The following DNAH10 variants were observed in gnomAD, a reference collection of about 807,000 sequenced individuals.
The protein encoded by DNAH10 is dynein axonemal heavy chain 10, also known as axonemal beta dynein heavy chain 10.
DNAH10 carries 348 observed loss-of-function variants against 506.6 expected under a neutral mutation model. The ratio of observed to expected loss-of-function variants is 0.69; its 90% confidence interval spans 0.63 to 0.75. The LOEUF (loss-of-function observed/expected upper bound fraction) is 0.75. DNAH10 is among the 30% of genes least tolerant of loss of function. The pLI, the probability that DNAH10 is intolerant of heterozygous loss-of-function variation, is 0.00. For synonymous variants in DNAH10, 2,059 were observed against 2,198.6 expected, an observed-to-expected ratio of 0.94 and a Z score of 1.78; for missense variants, 5,179 against 5,787.1, an observed-to-expected ratio of 0.89 and a Z score of 3.41.
At chr12:123,783,825 C>T (rs1957751849) in intron 7 of DNAH10, 122 bp from the exon 8 acceptor site, 1 of 858,384 alleles carries the variant, frequency 1.2e-6, no homozygotes, top group Non-Finnish European at 1.8e-6. Flanking sequence ...CAAGAGCCCA[C>T]CCCTGAAGAC....
In DNAH10 at chr12:123,813,867, G is replaced by A. The variant is rs752589913; in HGVS notation, c.3735G>A (p.Arg1245=). Reference sequence around the variant, plus strand: ...CTCTAGTCATGGAACTCAGATATAGGGACGTCCAGGAGCGATACCGTACCA... The same window carrying A: ...CTCTAGTCATGGAACTCAGATATAGAGACGTCCAGGAGCGATACCGTACCA... ...SKSLVMELRY[R]DVQERYRTMA... The change falls in exon 21 of 79, where the codon AGG becomes AGA. Residue 1245 remains arginine, a synonymous_variant. Coordinates refer to ENST00000673944, the MANE Select transcript of DNAH10 (RefSeq NM_001372106.1). 151 of 1,611,780 alleles carry A rather than the reference G, an allele frequency of 9.4e-5. No homozygotes were observed. Among genetic ancestry groups the A allele is most frequent in the Non-Finnish European group, 2.1e-5 (25 of 1,179,476 alleles).
intron 43 of DNAH10, 131 bp downstream of exon 43, chr12:123,868,250 G>T: frequency 1.2e-6 from 1 of 832,708 alleles, no homozygotes; most frequent in Non-Finnish European, 1.8e-6. Flanking sequence ...AGAGAAACAT[G>T]CAATGGTCAG....
chr12:123,787,704 C>T lies in DNAH10; in HGVS notation c.1422-100C>T, dbSNP rs1957911707. ...AGGCCGTGAAACCAGGGGGGGCGCC[C>T]GGGTCAGAGCTTCACGGGACACTGG... is the stretch of plus-strand genomic sequence containing the variant. On this transcript the variant is annotated intron_variant, in intron 9 of 78. Coordinates refer to ENST00000673944, the MANE Select transcript of DNAH10 (RefSeq NM_001372106.1). This position sits in a 1 kb window ranked among gnomAD's most constrained non-coding sequence, Gnocchi z 4.6. 20 of 1,428,008 alleles carry T rather than the reference C, an allele frequency of 1.4e-5. No homozygotes were observed. The South Asian group carries it at 1.5e-4, about 11-fold the overall frequency. The allele number at this position is 1,428,008 out of a possible 1,614,324, so 88.5% of individuals were successfully genotyped here.
intron 12 of DNAH10, among the ~76,000 whole-genome samples, chr12:123,795,812 C>G (rs1262769335): frequency 6.6e-6 from 1 of 152,068 alleles, no homozygotes; most frequent in African/African-American, 2.4e-5. Context: ...AAACACAGTT[C>G]TGGTGACTGT....
chr12:123,862,439 A>C (rs1951649826), intron 39 of DNAH10, among the ~76,000 whole-genome samples: 1 of 151,302 alleles, frequency 6.6e-6, no homozygotes, highest in African/African-American at 2.4e-5. Flanking sequence ...TGCCCAGGCT[A>C]AGTTCAGTCA....
chr12:123,779,846 G>T (rs777640428), intron 5 of DNAH10, among the ~76,000 whole-genome samples: 3 of 152,074 alleles, frequency 2.0e-5, no homozygotes, highest in Non-Finnish European at 4.4e-5. Context: ...GTCATAAAAA[G>T]ATGTATCAAA....
rs1347537899 is a variant in DNAH10, at chr12:123,919,626, C to A, written c.11506+677C>A. Among the ~76,000 whole-genome samples the A allele has an allele frequency of 6.6e-6, 1 of 152,202 alleles. No individual in the cohort carries two copies. The highest frequency in any genetic ancestry group is 1.5e-5 in the Non-Finnish European group (1 of 68,040). The stretch of plus-strand genomic sequence containing the variant: ...CATTAGCAGTCACCCCCTGGCCCCC[C>A]ACTCCTAGTCCCTGGCAGTCACCGC... On this transcript the variant is annotated intron_variant, in intron 65 of 78. Transcript: ENST00000673944. The surrounding 1 kb of genome is among the most constrained non-coding windows in gnomAD (Gnocchi z 4.9).
At chr12:123,906,272 C>T (rs1402093412) in intron 57 of DNAH10, among the ~76,000 whole-genome samples, 2 of 139,396 alleles carry the variant, frequency 1.4e-5, no homozygotes, top group South Asian at 2.4e-4. Flanking sequence ...GACAGAGTCT[C>T]ATTCTGTCAC....
chr12:123,763,586 T>G (rs1434849692), intron 1 of DNAH10, among the ~76,000 whole-genome samples: 2 of 142,606 alleles, frequency 1.4e-5, no homozygotes, highest in East Asian at 4.0e-4. Context: ...TTTTTTGAGA[T>G]AGGGTCTCAC....
intron 46 of DNAH10, among the ~76,000 whole-genome samples, chr12:123,874,590 T>C (rs1442010979): frequency 1.4e-5 from 2 of 146,408 alleles, no homozygotes; most frequent in African/African-American, 5.1e-5. Context: ...CATCCATCCA[T>C]CCATCCATCC....
chr12:123,920,106 A>G (rs1046651774), intron 65 of DNAH10, among the ~76,000 whole-genome samples: 6 of 152,198 alleles, frequency 3.9e-5, no homozygotes, highest in African/African-American at 1.4e-4. Flanking sequence ...ACTTTTTATT[A>G]TGGAAAACAT....
In DNAH10 at chr12:123,853,434, A is replaced by T; in HGVS notation, c.6438+82A>T. On this transcript the variant is annotated intron_variant, in intron 36 of 78. Coordinates refer to ENST00000673944, the MANE Select transcript of DNAH10 (RefSeq NM_001372106.1). The surrounding 1 kb of genome is among the most constrained non-coding windows in gnomAD (Gnocchi z 4.7). ...GTGCCATTGGGGAGGTGATGGGCAC[A>T]GTATGGTATCACCTGAAAGGTTTAA... is the stretch of plus-strand genomic sequence containing the variant. The T allele has an allele frequency of 6.7e-7, 1 of 1,484,972 alleles. No homozygotes were observed. Among genetic ancestry groups the T allele is most frequent in the Non-Finnish European group, 9.0e-7 (1 of 1,110,476 alleles). The allele number at this position is 1,484,972 out of a possible 1,614,324, so 92.0% of individuals were successfully genotyped here. A position where few individuals can be genotyped will look rare whatever the true frequency, so the allele number is the denominator to read the frequency against.
In DNAH10 at chr12:123,925,322, C is replaced by G; in HGVS notation, c.11921+118C>G. 7.5e-7 allele frequency: 1 copy of G among 1,331,412 alleles called. No individual in the cohort carries two copies. Among genetic ancestry groups the G allele is most frequent in the Non-Finnish European group, 1.0e-6 (1 of 955,636 alleles). The allele number at this position is 1,331,412 out of a possible 1,614,324, so 82.5% of individuals were successfully genotyped here. ...AGCTCCCGAGACAGCTGTCGCCACC[C>G]TGCTGTACAATATTCGATAGCCGAT... On this transcript the variant is annotated intron_variant, in intron 68 of 78. Coordinates refer to ENST00000673944, the MANE Select transcript of DNAH10 (RefSeq NM_001372106.1). The surrounding 1 kb of genome is among the most constrained non-coding windows in gnomAD (Gnocchi z 4.0).
Position 123,787,593 on chromosome 12 carries a change from G to A in DNAH10, c.1422-211G>A, listed in dbSNP as rs1436138149. On this transcript the variant is annotated intron_variant, in intron 9 of 78. Coordinates refer to ENST00000673944, the MANE Select transcript of DNAH10 (RefSeq NM_001372106.1). The surrounding 1 kb of genome is among the most constrained non-coding windows in gnomAD (Gnocchi z 4.6). ...GCCCCAGCCCTGCACGCAGGTTGGC[G>A]GCTGCAACGGAAACCTCGCAGCTTG... Among the ~76,000 whole-genome samples, 1 of 152,214 alleles carries A rather than the reference G, an allele frequency of 6.6e-6. No individual in the cohort carries two copies. The highest frequency in any genetic ancestry group is 6.5e-5 in the Admixed American group (1 of 15,290).
chr12:123,799,636 G>A (rs1249635028), intron 14 of DNAH10, among the ~76,000 whole-genome samples: 4 of 152,136 alleles, frequency 2.6e-5, no homozygotes, highest in Admixed American at 2.0e-4. Flanking sequence ...TATGAAATGC[G>A]TTTTATAAAT....
At chr12:123,776,289 A>G (rs889782270) in intron 5 of DNAH10, among the ~76,000 whole-genome samples, 1 of 152,076 alleles carries the variant, frequency 6.6e-6, no homozygotes. Context: ...CGGGATCTGG[A>G]GGCTTTGAAG....
rs1955465525 is a variant in DNAH10, at chr12:123,935,694, A to G, written c.*213A>G. The stretch of plus-strand genomic sequence containing the variant: ...TTTTTAAAAGGAATTTATATAATCA[A>G]AAAGTAAATATTGGAGAGTATTTTA... On this transcript the variant is annotated 3_prime_UTR_variant, in exon 79 of 79. Coordinates refer to ENST00000673944, the MANE Select transcript of DNAH10 (RefSeq NM_001372106.1). The G allele has an allele frequency of 1.5e-5, 7 of 463,938 alleles. No individual in the cohort carries two copies. Among genetic ancestry groups the G allele is most frequent in the Non-Finnish European group, 2.2e-5 (6 of 270,082 alleles). The allele number at this position is 463,938 out of a possible 1,614,324, so 28.7% of individuals were successfully genotyped here.
intron 14 of DNAH10, 94 bp from the exon 15 acceptor site, chr12:123,800,122 T>G: frequency 2.3e-6 from 3 of 1,310,982 alleles, no homozygotes; most frequent in Non-Finnish European, 3.1e-6. Flanking sequence ...GGCCCAGTGT[T>G]GATCTTTTTC....
intron 70 of DNAH10, 132 bp from the exon 71 acceptor site, chr12:123,929,143 C>G (rs1955083875): frequency 1.1e-6 from 1 of 909,102 alleles, no homozygotes; most frequent in African/African-American, 1.7e-5. Flanking sequence ...GGACAAGAGA[C>G]TTTAGCTATT....
Sources: allele counts gnomAD v4.1 joint callset (sites outside exome capture counted in the v4.1 genomes callset), GRCh38; gene constraint gnomAD v4.1.1; non-coding constraint Gnocchi (gnomAD v3.1); transcripts MANE v1.5; gene names NCBI Gene and HGNC (gene_info 2026-07-23, HGNC 2026-07-21).